Variants in COL25A1 observed in about 807,000 individuals in gnomAD.
COL25A1 encodes the protein collagen type XXV alpha 1 chain.
A neutral mutation model predicts 128.4 loss-of-function variants in COL25A1; 103 were observed. That is an observed-to-expected ratio of 0.80 (90% CI 0.68 to 0.94). The LOEUF (loss-of-function observed/expected upper bound fraction) is 0.94. COL25A1 is among the 40% of genes least tolerant of loss of function. COL25A1 has a pLI of 0.00. For missense variants in COL25A1, 745 were observed against 840.0 expected (o/e 0.89, Z 1.40); for synonymous variants, 279 against 277.2 (o/e 1.01, Z -0.06).
intron 8 of COL25A1, among the ~76,000 whole-genome samples, chr4:108,968,794 A>C (rs1751603248): frequency 6.6e-6 from 1 of 152,156 alleles, no homozygotes; most frequent in South Asian, 2.1e-4. Context: ...ATATCTCATC[A>C]AGATCACGAA....
chr4:108,970,972 C>T (rs960911527), intron 8 of COL25A1, among the ~76,000 whole-genome samples: 3 of 152,010 alleles, frequency 2.0e-5, no homozygotes, highest in African/African-American at 7.2e-5. Flanking sequence ...TTAACTAAAT[C>T]CTGCCATTTT....
chr4:108,980,963 A>G lies in COL25A1; in HGVS notation c.439-6404T>C, dbSNP rs373440659. ...TATCCCGTTTTTCTCTTGTACAACTAGGATAGAAGCTTCAATTCTACTGCC... is the reference window on the plus strand; with the variant it reads ...TATCCCGTTTTTCTCTTGTACAACTGGGATAGAAGCTTCAATTCTACTGCC... On this transcript the variant is annotated intron_variant, in intron 6 of 37. Transcript: ENST00000399132. Among the ~76,000 whole-genome samples, 20 of 152,312 alleles carry G rather than the reference A, an allele frequency of 1.3e-4. 1 individual carries two copies. Among genetic ancestry groups the G allele is most frequent in the African/African-American group, 4.8e-4 (20 of 41,572 alleles).
chr4:109,187,610 G>A (rs1204854053), intron 3 of COL25A1, among the ~76,000 whole-genome samples: 1 of 152,140 alleles, frequency 6.6e-6, no homozygotes, highest in Non-Finnish European at 1.5e-5. Flanking sequence ...GTAGCATATT[G>A]TAGCTTCAAA....
chr4:109,157,516 C>T (rs1254755668), intron 3 of COL25A1, among the ~76,000 whole-genome samples: 1 of 152,064 alleles, frequency 6.6e-6, no homozygotes, highest in Non-Finnish European at 1.5e-5. Context: ...TCAAGGGAAC[C>T]TCGAAGACAA....
At chr4:108,939,543 C>T (rs1251887909) in intron 10 of COL25A1, among the ~76,000 whole-genome samples, 1 of 151,994 alleles carries the variant, frequency 6.6e-6, no homozygotes, top group Non-Finnish European at 1.5e-5. Flanking sequence ...TATACCAAAA[C>T]ATTAATGAGT....
In COL25A1 at chr4:108,871,466, C is replaced by T. The variant is rs567291337; in HGVS notation, c.1021-2316G>A. 9.9e-5 allele frequency among the ~76,000 whole-genome samples: 15 copies of T among 152,232 alleles called. 1 individual carries two copies. In the South Asian group the frequency reaches 2.9e-3, roughly 29 times the overall value. On this transcript the variant is annotated intron_variant, in intron 19 of 37. Transcript: ENST00000399132. ...GAGTAGCTGGGACTACAGGCGCCCGCCACTACGCCCGGCTAATTTTTTTGC... is the reference window on the plus strand; with the variant it reads ...GAGTAGCTGGGACTACAGGCGCCCGTCACTACGCCCGGCTAATTTTTTTGC...
intron 3 of COL25A1, among the ~76,000 whole-genome samples, chr4:109,093,904 C>CAA (rs201316986): frequency 2.1e-5 from 3 of 141,866 alleles, no homozygotes; most frequent in East Asian, 2.0e-4. Flanking sequence ...TTTCTCACTG[C>CAA]AAAAAAAAAA....
intron 3 of COL25A1, among the ~76,000 whole-genome samples, chr4:109,082,739 G>C (rs1282417142): frequency 6.6e-6 from 1 of 151,958 alleles, no homozygotes; most frequent in Non-Finnish European, 1.5e-5. Context: ...CTATTCTGTG[G>C]GTTGCCTTTT....
chr4:109,144,897 A>G (rs775508200), intron 3 of COL25A1, among the ~76,000 whole-genome samples: 2 of 152,192 alleles, frequency 1.3e-5, no homozygotes, highest in Non-Finnish European at 2.9e-5. Flanking sequence ...CAACTGCACA[A>G]TTGTTTCAGG....
At chr4:109,250,670 T>C (rs1424221689) in intron 3 of COL25A1, among the ~76,000 whole-genome samples, 1 of 152,196 alleles carries the variant, frequency 6.6e-6, no homozygotes, top group East Asian at 1.9e-4. Flanking sequence ...GGCCTTTCAG[T>C]GGCTTGGAAG....
At chr4:109,079,409 G>A (rs1285656973) in intron 3 of COL25A1, among the ~76,000 whole-genome samples, 1 of 152,140 alleles carries the variant, frequency 6.6e-6, no homozygotes, top group Non-Finnish European at 1.5e-5. Flanking sequence ...CTTCTGAATT[G>A]AGTCATACAT....
chr4:109,007,920 G>A (rs1756193371), intron 6 of COL25A1, among the ~76,000 whole-genome samples: 3 of 152,070 alleles, frequency 2.0e-5, no homozygotes, highest in African/African-American at 4.8e-5. Context: ...TATTAACTGT[G>A]GCTGTATACT....
At chr4:109,196,345 T>C (rs916192397) in intron 3 of COL25A1, among the ~76,000 whole-genome samples, 8 of 152,154 alleles carry the variant, frequency 5.3e-5, no homozygotes, top group African/African-American at 1.9e-4. Flanking sequence ...TAGTTTATAG[T>C]GTATGAGAGA....
chr4:109,223,583 C>T (rs1304691268), intron 3 of COL25A1, among the ~76,000 whole-genome samples: 1 of 151,726 alleles, frequency 6.6e-6, no homozygotes, highest in South Asian at 2.1e-4. Context: ...TCTCCCCCAC[C>T]CCCACCTTGA....
At chr4:109,239,007 T>A (rs965685563) in intron 3 of COL25A1, among the ~76,000 whole-genome samples, 1 of 151,960 alleles carries the variant, frequency 6.6e-6, no homozygotes, top group African/African-American at 2.4e-5. Flanking sequence ...CATAGGCTAA[T>A]CAGTAATTCC....
chr4:109,251,259 A>T (rs1244556080), intron 3 of COL25A1, among the ~76,000 whole-genome samples: 1 of 152,242 alleles, frequency 6.6e-6, no homozygotes, highest in Non-Finnish European at 1.5e-5. Flanking sequence ...GATGGTATTG[A>T]TAACTACCTT....
intron 11 of COL25A1, among the ~76,000 whole-genome samples, chr4:108,929,755 G>T (rs1194261453): frequency 6.6e-6 from 1 of 152,124 alleles, no homozygotes; most frequent in Non-Finnish European, 1.5e-5. Context: ...GAACCCAGGA[G>T]TTTGAGGCTG....
chr4:109,158,039 T>C (rs1157386228), intron 3 of COL25A1, among the ~76,000 whole-genome samples: 1 of 152,074 alleles, frequency 6.6e-6, no homozygotes, highest in Non-Finnish European at 1.5e-5. Flanking sequence ...CCTGTTGAAC[T>C]AAAGAAAAAA....
chr4:109,072,980 C>T (rs1183031819), intron 3 of COL25A1, among the ~76,000 whole-genome samples: 1 of 152,176 alleles, frequency 6.6e-6, no homozygotes, highest in African/African-American at 2.4e-5. Flanking sequence ...GTGTTCTGGG[C>T]TGGTCCCTGA....
Sources: allele counts gnomAD v4.1 joint callset (sites outside exome capture counted in the v4.1 genomes callset), GRCh38; gene constraint gnomAD v4.1.1; transcripts MANE v1.5; gene names NCBI Gene and HGNC (gene_info 2026-07-23, HGNC 2026-07-21).